CADM2: variants seen among roughly 807,000 people sequenced by gnomAD.
CADM2 encodes the protein cell adhesion molecule 2.
CADM2 carries 12 observed loss-of-function variants against 49.8 expected under a neutral mutation model. The observed-to-expected ratio is 0.24, with a 90% CI of 0.15 to 0.39. The LOEUF is 0.39. Among genes scored for constraint, CADM2 ranks in the 10% least tolerant of loss-of-function variants. The pLI is 1.00. For missense variants in CADM2, 378 were observed against 492.3 expected (o/e 0.77, Z 2.20); for synonymous variants, 214 against 175.4 (o/e 1.22, Z -1.74).
At chr3:85,198,764 T>C (rs567320821) in intron 1 of CADM2, among the ~76,000 whole-genome samples, 1 of 152,036 alleles carries the variant, frequency 6.6e-6, no homozygotes, top group Non-Finnish European at 1.5e-5. Flanking sequence ...AAGTTGTCCC[T>C]TCTACATTCT....
intron 1 of CADM2, among the ~76,000 whole-genome samples, chr3:85,135,720 AT>A (rs2039397997): frequency 6.6e-6 from 1 of 152,078 alleles, no homozygotes; most frequent in Admixed American, 6.5e-5. Flanking sequence ...GTATTCAAAT[AT>A]TGCTGTAGAA....
At chr3:85,325,600 G>A (rs1348781165) in intron 1 of CADM2, among the ~76,000 whole-genome samples, 1 of 149,824 alleles carries the variant, frequency 6.7e-6, no homozygotes, top group East Asian at 2.0e-4. Flanking sequence ...TGAGGCAGGA[G>A]AATCACTTGA....
intron 1 of CADM2, among the ~76,000 whole-genome samples, chr3:85,321,244 T>C (rs818214): frequency 0.19 from 26,894 of 142,998 alleles, 3,495 homozygotes; most frequent in African/African-American, 0.37. Flanking sequence ...GGGATCTCGG[T>C]TCACTGCAAC....
intron 1 of CADM2, among the ~76,000 whole-genome samples, chr3:85,428,454 T>C (rs2036517155): frequency 6.9e-6 from 1 of 145,746 alleles, no homozygotes; most frequent in Non-Finnish European, 1.5e-5. Flanking sequence ...ATATATGATA[T>C]ATATGATATG....
chr3:85,779,439 A>C (rs534832587), intron 2 of CADM2, among the ~76,000 whole-genome samples: 1 of 152,290 alleles, frequency 6.6e-6, no homozygotes, highest in South Asian at 2.1e-4. Flanking sequence ...TAATTGACTC[A>C]CAGTTCAGCA....
At chr3:85,672,293 C>T (rs1302028665) in intron 1 of CADM2, among the ~76,000 whole-genome samples, 3 of 149,892 alleles carry the variant, frequency 2.0e-5, no homozygotes, top group East Asian at 4.0e-4. Context: ...CCCGGGTTCA[C>T]GCCATTCTCC....
chr3:85,413,161 A>T (rs571231692), intron 1 of CADM2, among the ~76,000 whole-genome samples: 1,175 of 108,302 alleles, frequency 0.011, 27 homozygotes, highest in African/African-American at 0.04. Context: ...AAAAAAAAAA[A>T]AATAATAATA....
At chr3:85,665,829 A>G (rs984577585) in intron 1 of CADM2, among the ~76,000 whole-genome samples, 6 of 151,888 alleles carry the variant, frequency 4.0e-5, no homozygotes, top group Admixed American at 6.6e-5. Flanking sequence ...CCTCATCCCA[A>G]TCTTTTCAAA....
chr3:85,327,585 CACACCA>C (rs1242303727), intron 1 of CADM2, among the ~76,000 whole-genome samples: 27 of 144,932 alleles, frequency 1.9e-4, no homozygotes, highest in African/African-American at 5.2e-4. Flanking sequence ...CACACACACA[CACACCA>C]CACACACACA....
intron 1 of CADM2, among the ~76,000 whole-genome samples, chr3:85,047,603 A>G (rs1576110356): frequency 6.6e-6 from 1 of 152,144 alleles, no homozygotes; most frequent in African/African-American, 2.4e-5. Context: ...ACATCATTAC[A>G]TACAGTATAT....
intron 1 of CADM2, among the ~76,000 whole-genome samples, chr3:85,545,714 A>T (rs1463203): frequency 0.51 from 77,819 of 151,950 alleles, 23,000 homozygotes; most frequent in East Asian, 0.85. Context: ...GCACTCTGAA[A>T]CATAGACCAA....
chr3:85,995,688 G>C (rs1729297784), intron 8 of CADM2, among the ~76,000 whole-genome samples: 1 of 152,102 alleles, frequency 6.6e-6, no homozygotes, highest in African/African-American at 2.4e-5. Context: ...AAAATGATTA[G>C]TGATAGGTAT....
At chr3:85,790,478 G>A (rs1366978845) in intron 2 of CADM2, among the ~76,000 whole-genome samples, 1 of 152,124 alleles carries the variant, frequency 6.6e-6, no homozygotes, top group African/African-American at 2.4e-5. Context: ...AAAAAAGAGA[G>A]GTAAAATTTC....
At chr3:86,062,615 T>TA (rs1188877122) in intron 8 of CADM2, among the ~76,000 whole-genome samples, 4 of 151,160 alleles carry the variant, frequency 2.6e-5, no homozygotes, top group South Asian at 2.1e-4. Context: ...CTGTCTCTAC[T>TA]AAAAAAATAC....
intron 1 of CADM2, among the ~76,000 whole-genome samples, chr3:85,708,172 T>C (rs1337211000): frequency 2.0e-5 from 3 of 152,202 alleles, no homozygotes; most frequent in Non-Finnish European, 4.4e-5. Context: ...CAAATCTTTT[T>C]AGTACCTAGG....
intron 8 of CADM2, chr3:85,979,344 T>A: frequency 6.4e-7 from 1 of 1,553,904 alleles, no homozygotes. Flanking sequence ...TGTAGAAGTT[T>A]TTAGAAAGGT....
At chr3:85,987,858 T>TA (rs201237209) in intron 8 of CADM2, among the ~76,000 whole-genome samples, 1,782 of 151,102 alleles carry the variant, frequency 0.012, 42 homozygotes, top group African/African-American at 0.041. Context: ...TCTCTAAATT[T>TA]AAAAAAAAAT....
intron 8 of CADM2, among the ~76,000 whole-genome samples, chr3:85,976,478 G>A (rs79920960): frequency 0.041 from 6,183 of 151,400 alleles, 420 homozygotes; most frequent in African/African-American, 0.14. Context: ...TGAATATTTA[G>A]GTTATTTTAA....
At chr3:85,453,094 C>A (rs1042162952) in intron 1 of CADM2, among the ~76,000 whole-genome samples, 3 of 152,016 alleles carry the variant, frequency 2.0e-5, no homozygotes, top group East Asian at 3.8e-4. Context: ...ACACAGTCAG[C>A]CTTTATTTGT....
Sources: gnomAD v4.1 joint callset for allele counts (sites outside exome capture counted in the v4.1 genomes callset) on GRCh38, gnomAD v4.1.1 for gene constraint, MANE v1.5 for transcripts, NCBI Gene and HGNC (gene_info 2026-07-23, HGNC 2026-07-21) for gene names.